CCDC180: variants seen among roughly 807,000 people sequenced by gnomAD.
CCDC180 encodes coiled-coil domain-containing protein 180.
In CCDC180, 154 loss-of-function variants were observed where a neutral mutation model predicts 209.2. The ratio of observed to expected loss-of-function variants is 0.74; its 90% confidence interval spans 0.65 to 0.84. The LOEUF is 0.84. CCDC180 is among the 40% of genes least tolerant of loss of function. The pLI is 0.00. For synonymous variants in CCDC180, 778 were observed against 749.1 expected (o/e 1.04, Z -0.63); for missense variants, 1,874 against 1,997.3 (o/e 0.94, Z 1.18).
chr9:97,375,723 A>C, intron 36 of CCDC180, 134 bp downstream of exon 36: 1 of 1,050,686 alleles, frequency 9.5e-7, no homozygotes, highest in Non-Finnish European at 1.4e-6. Flanking sequence ...CACACCCCAG[A>C]GCTGCAGGTC....
rs917014919 is a variant in CCDC180 at position 97,364,217 on chromosome 9, A to G, written c.3980+89A>G. ...TGTGACTCAGCTGAGGGGAAAAATC[A>G]GAAAGGGGAAAGGCAGGTCCAAGCA... On this transcript the variant is annotated intron_variant, in intron 29 of 36. Coordinates refer to ENST00000529487, the MANE Select transcript of CCDC180 (RefSeq NM_020893.6). 3.2e-5 allele frequency: 40 copies of G among 1,268,932 alleles called. No homozygotes were observed. The African/African-American group carries it at 5.5e-4, about 17-fold the overall frequency. 78.6% of individuals were successfully genotyped at this position (1,268,932 alleles called of 1,614,324 possible).
Position 97,312,054 on chromosome 9 carries a change from A to G in CCDC180, c.261-59A>G, listed in dbSNP as rs1833004246. 3.4e-6 allele frequency: 5 copies of G among 1,474,188 alleles called. No homozygotes were observed. The East Asian group carries it at 9.1e-5, about 27-fold the overall frequency. 91.3% of individuals were successfully genotyped at this position (1,474,188 alleles called of 1,614,324 possible). On this transcript the variant is annotated intron_variant, in intron 3 of 36. Coordinates refer to ENST00000529487, the MANE Select transcript of CCDC180 (RefSeq NM_020893.6). ...CCACCCCTTGGTGCCCTTATGTGCC[A>G]GAGCTGCCATGGATGGCATCAGGAG...
upstream of CCDC180, chr9:97,307,373 T>A: frequency 2.0e-6 from 1 of 507,988 alleles, no homozygotes; most frequent in Admixed American, 2.3e-5. Flanking sequence ...CCTTGAGAGG[T>A]GCTTTCTGCA....
Position 97,350,585 on chromosome 9 carries a change from G to C in CCDC180, c.3002+30G>C, listed in dbSNP as rs768992055. The C allele has an allele frequency of 7.6e-4, 1,171 of 1,533,640 alleles. 2 individuals are homozygous for C. The highest frequency in any genetic ancestry group is 9.1e-4 in the Non-Finnish European group (1,043 of 1,145,390). ...GAGCCAGTGTCCAGGGCCTCTTCAG[G>C]CCACCTGAGTTTCTCTATTGGGATG... On this transcript the variant is annotated intron_variant, in intron 22 of 36. Coordinates refer to ENST00000529487, the MANE Select transcript of CCDC180 (RefSeq NM_020893.6).
At chr9:97,368,906 CA>C (rs1826999379) in intron 31 of CCDC180, among the ~76,000 whole-genome samples, 1 of 152,090 alleles carries the variant, frequency 6.6e-6, no homozygotes, top group Non-Finnish European at 1.5e-5. Flanking sequence ...AGGAGACCAG[CA>C]AAGACTTGGC....
At position 97,359,992 on chromosome 9, in the gene CCDC180, CAGA is replaced by C. The variant is rs1826703560; in HGVS notation, c.3379_3381del (p.Glu1127del). On this transcript the variant is annotated inframe_deletion, in exon 26 of 37. Coordinates refer to ENST00000529487, the MANE Select transcript of CCDC180 (RefSeq NM_020893.6). ...CCCTTTTCTCACCAGACAGTGACCA[CAGA>C]AGAACTCCTCAGCTTCGTCCAAACT... The C allele has an allele frequency of 6.2e-7, 1 of 1,613,930 alleles. No homozygotes were observed.
chr9:97,320,124 A>G lies in CCDC180; in HGVS notation c.1080-2A>G, dbSNP rs1312293250. 3.1e-6 allele frequency: 5 copies of G among 1,613,752 alleles called. No homozygotes were observed. The highest frequency in any genetic ancestry group is 4.2e-6 in the Non-Finnish European group (5 of 1,179,838). ...GCTTACTTGCTGTATCTTCCTTCCCAGTGACCTCCTGCCCCCCAGTTACAG... is the reference window on the plus strand; with the variant it reads ...GCTTACTTGCTGTATCTTCCTTCCCGGTGACCTCCTGCCCCCCAGTTACAG... On this transcript the variant is annotated splice_acceptor_variant, in intron 10 of 36. Coordinates refer to ENST00000529487, the MANE Select transcript of CCDC180 (RefSeq NM_020893.6). LOFTEE classifies it high-confidence loss of function.
At chr9:97,314,548 GC>G (rs1447761215) in intron 6 of CCDC180, 27 bp downstream of exon 6, 1 of 1,613,690 alleles carries the variant, frequency 6.2e-7, no homozygotes, top group East Asian at 2.2e-5. Flanking sequence ...GGCTGGGCCT[GC>G]CCCACCCAGG....
intron 18 of CCDC180, among the ~76,000 whole-genome samples, chr9:97,340,994 G>T (rs1587811808): frequency 6.6e-6 from 1 of 152,210 alleles, no homozygotes. Context: ...CTAGATAGCA[G>T]TAGTAAATTA....
At chr9:97,332,694 GA>G (rs1825788574) in intron 18 of CCDC180, among the ~76,000 whole-genome samples, 1 of 152,138 alleles carries the variant, frequency 6.6e-6, no homozygotes, top group Non-Finnish European at 1.5e-5. Context: ...TGGTGTGTAG[GA>G]ATGCTACTGA....
In CCDC180 at chr9:97,335,543, G is replaced by A. The variant is rs1825878993; in HGVS notation, c.2274+4776G>A. The stretch of plus-strand genomic sequence containing the variant: ...TTATGGCTGCATAATATTCCATGGT[G>A]TACATGTGCCACATTTTCTTAATCC... On this transcript the variant is annotated intron_variant, in intron 18 of 36. Transcript: ENST00000529487. Among the ~76,000 whole-genome samples the A allele has an allele frequency of 2.0e-5, 3 of 152,152 alleles. No homozygotes were observed. The South Asian group carries it at 6.2e-4, about 32-fold the overall frequency.
intron 31 of CCDC180, 23 bp from the exon 32 acceptor site, chr9:97,369,899 C>G: frequency 6.2e-7 from 1 of 1,613,688 alleles, no homozygotes; most frequent in Non-Finnish European, 8.5e-7. Flanking sequence ...CCTCCCTTGG[C>G]CTCTTACCCG....
Position 97,376,747 on chromosome 9 carries a change from G to A in CCDC180, c.4843-16G>A. On this transcript the variant is annotated splice_polypyrimidine_tract_variant and intron_variant, in intron 36 of 36. Coordinates refer to ENST00000529487, the MANE Select transcript of CCDC180 (RefSeq NM_020893.6). ...GTCTCTCCTCATGTGGACCCCTCCT[G>A]CTACCTTCCTTCTAGAAATATTTAG... is the stretch of plus-strand genomic sequence containing the variant. The A allele has an allele frequency of 6.2e-7, 1 of 1,610,414 alleles. No individual in the cohort carries two copies. Among genetic ancestry groups the A allele is most frequent in the Non-Finnish European group, 8.5e-7 (1 of 1,178,578 alleles).
At chr9:97,370,250 G>C (rs920544402) in intron 32 of CCDC180, among the ~76,000 whole-genome samples, 168 bp downstream of exon 32, 3 of 152,144 alleles carry the variant, frequency 2.0e-5, no homozygotes, top group African/African-American at 7.2e-5. Flanking sequence ...TAAGAACTGA[G>C]CCAACAGCTT....
In CCDC180 at chr9:97,376,819, T is replaced by A. The variant is rs142332421; in HGVS notation, c.4899T>A (p.Ser1633=). Residue 1633 remains serine, a synonymous_variant, in exon 37 of 37, where the codon TCT becomes TCA. Coordinates refer to ENST00000529487, the MANE Select transcript of CCDC180 (RefSeq NM_020893.6). Reference sequence around the variant, plus strand: ...AGAGGATCCAGGATGACTGTACATCTCAGATAAAGGAGGCTCAGCGCTGGA... The same window carrying A: ...AGAGGATCCAGGATGACTGTACATCACAGATAAAGGAGGCTCAGCGCTGGA... ...ELKRIQDDCT[S]QIKEAQRWKD... 1 of 1,613,532 alleles carries A rather than the reference T, an allele frequency of 6.2e-7. No individual in the cohort carries two copies. Among genetic ancestry groups the A allele is most frequent in the Admixed American group, 1.7e-5 (1 of 60,012 alleles).
intron 18 of CCDC180, among the ~76,000 whole-genome samples, chr9:97,335,748 G>A (rs1303944431): frequency 3.3e-5 from 5 of 152,234 alleles, no homozygotes; most frequent in South Asian, 2.1e-4. Flanking sequence ...TTGAGGAATC[G>A]CCACACTGTC....
rs374776114 is a variant in CCDC180, at chr9:97,364,082, G to T, written c.3934G>T (p.Glu1312Ter). 1.9e-5 allele frequency: 30 copies of T among 1,614,004 alleles called. No individual in the cohort carries two copies. Among genetic ancestry groups the T allele is most frequent in the Non-Finnish European group, 2.4e-5 (28 of 1,180,016 alleles). ...ACCGCACCCCAAGCCCAACAAAATG[G>T]AGAGAAAGTACCGGGTGCTTGGGGA... ...FTPHPKPNKM[E>*]RKYRVLGDKP... Residue 1312 changes from glutamate to a stop codon, truncating the protein, a stop_gained, in exon 29 of 37, where the codon GAG (glutamate) becomes TAG (stop). Transcript: ENST00000529487. LOFTEE classifies it high-confidence loss of function.
intron 18 of CCDC180, among the ~76,000 whole-genome samples, chr9:97,334,343 T>G (rs1825840086): frequency 6.6e-6 from 1 of 152,228 alleles, no homozygotes; most frequent in African/African-American, 2.4e-5. Context: ...GGACTTTACA[T>G]GGATTACATG....
chr9:97,375,927 AG>A (rs1564180950), intron 36 of CCDC180: 1 of 290,066 alleles, frequency 3.4e-6, no homozygotes. Flanking sequence ...CCGTAGGCTC[AG>A]GGGGGACACA....
Sources: allele counts gnomAD v4.1 joint callset (sites outside exome capture counted in the v4.1 genomes callset), GRCh38; gene constraint gnomAD v4.1.1; transcripts MANE v1.5; gene names NCBI Gene and HGNC (gene_info 2026-07-23, HGNC 2026-07-21).